The following GCDH variants were observed in gnomAD, a reference collection of about 807,000 sequenced individuals.
The protein encoded by GCDH is glutaryl-CoA dehydrogenase.
GCDH carries 31 observed loss-of-function variants against 52.8 expected under a neutral mutation model. The observed-to-expected ratio is 0.59, with a 90% CI of 0.44 to 0.79. The LOEUF is 0.79. GCDH is among the 30% of genes least tolerant of loss of function. GCDH has a pLI of 0.00. For missense variants in GCDH, 509 were observed against 595.0 expected (o/e 0.86, Z 1.50); for synonymous variants, 242 against 250.0 (o/e 0.97, Z 0.30).
At chr19:12,894,925 A>AG in intron 6 of GCDH, 1 of 430,414 alleles carries the variant, frequency 2.3e-6, no homozygotes. Flanking sequence ...AAAAAAAAAA[A>AG]AAACCCACAA....
At position 12,896,175 on chromosome 19, in the gene GCDH, C is replaced by T; in HGVS notation, c.636-30C>T. ...TGAACAGGGGCAAAGGGGCACTGGT[C>T]AGACCCCTCACCGACTGTTCCATCC... On this transcript the variant is annotated intron_variant, in intron 7 of 11. Coordinates refer to ENST00000222214, the MANE Select transcript of GCDH (RefSeq NM_000159.4). This position sits in a 1 kb window ranked among gnomAD's most constrained non-coding sequence, Gnocchi z 5.5. The T allele has an allele frequency of 6.2e-7, 1 of 1,613,930 alleles. No homozygotes were observed. Among genetic ancestry groups the T allele is most frequent in the Non-Finnish European group, 8.5e-7 (1 of 1,179,826 alleles).
Position 12,891,931 on chromosome 19 carries a change from GGAGA to G in GCDH, c.231_234del (p.Glu77AspfsTer64). ...GGGACACCTTCCGCACCTACTGCCA[GGAGA>G]GACTCATGCCTCGCATCCTGTTGGC... On this transcript the variant is annotated frameshift_variant, in exon 4 of 12. Transcript: ENST00000222214. LOFTEE classifies it high-confidence loss of function. 6.2e-7 allele frequency: 1 copy of G among 1,614,220 alleles called. No homozygotes were observed. The highest frequency in any genetic ancestry group is 8.5e-7 in the Non-Finnish European group (1 of 1,180,032).
intron 11 of GCDH, chr19:12,899,103 C>T: frequency 3.5e-6 from 2 of 572,210 alleles, no homozygotes; most frequent in Non-Finnish European, 6.2e-6. Flanking sequence ...ATTTAATAAA[C>T]TGTGGGGCTG....
rs941889262 is a variant in GCDH at position 12,896,616 on chromosome 19, G to A, written c.852+195G>A. ...CGTCTCGCTCATCCCGGCTCTGCCC[G>A]GGACACATGGGCCTGAACCAGCTCA... On this transcript the variant is annotated intron_variant, in intron 8 of 11. Transcript: ENST00000222214. The surrounding 1 kb of genome is among the most constrained non-coding windows in gnomAD (Gnocchi z 5.5). Among the ~76,000 whole-genome samples the A allele has an allele frequency of 1.3e-5, 2 of 152,160 alleles. No individual in the cohort carries two copies. The highest frequency in any genetic ancestry group is 2.4e-5 in the African/African-American group (1 of 41,434).
intron 5 of GCDH, among the ~76,000 whole-genome samples, chr19:12,893,176 C>T (rs565363259): frequency 2.6e-5 from 4 of 152,250 alleles, no homozygotes; most frequent in South Asian, 4.2e-4. Context: ...CGTGAGCCAC[C>T]GTGCCTGGCC....
chr19:12,897,115 G>A, intron 9 of GCDH, 102 bp downstream of exon 9: 1 of 1,203,838 alleles, frequency 8.3e-7, no homozygotes, highest in Admixed American at 1.9e-5. Context: ...CCAGGCCTGA[G>A]TTCCTTGCTC....
chr19:12,894,960 T>A, intron 6 of GCDH: 1 of 333,588 alleles, frequency 3.0e-6, no homozygotes, highest in South Asian at 4.9e-5. Flanking sequence ...AGGCCTCTGC[T>A]GACCTTTCCA....
intron 11 of GCDH, chr19:12,899,088 C>G (rs1970768218): frequency 1.8e-6 from 1 of 544,776 alleles, no homozygotes; most frequent in Non-Finnish European, 3.3e-6. Flanking sequence ...GGTTGAAAAT[C>G]AAACATTTAA....
chr19:12,898,117 C>G (rs559302862), intron 11 of GCDH: 1 of 523,514 alleles, frequency 1.9e-6, no homozygotes, highest in African/African-American at 1.9e-5. Flanking sequence ...CCCACATGCT[C>G]GGGAGGAGGG....
chr19:12,894,305 A>T, intron 6 of GCDH: 1 of 814,206 alleles, frequency 1.2e-6, no homozygotes, highest in Non-Finnish European at 2.2e-6. Flanking sequence ...GGGAACAATA[A>T]ACAAGGTTTC....
At chr19:12,898,152 G>A (rs751659270) in intron 11 of GCDH, 9 of 462,050 alleles carry the variant, frequency 1.9e-5, no homozygotes, top group African/African-American at 5.9e-5. Context: ...GGTAAGCTCC[G>A]AAGGCAGCCC....
Position 12,891,191 on chromosome 19 carries a change from A to C in GCDH, c.-46A>C. ...ACTGTAGCCTCGGCAGTGAACCGGG[A>C]GGTACTACCAGGTAAGGAAGGTGCG... is the stretch of plus-strand genomic sequence containing the variant. On this transcript the variant is annotated 5_prime_UTR_variant, in exon 1 of 12. Coordinates refer to ENST00000222214, the MANE Select transcript of GCDH (RefSeq NM_000159.4). The C allele has an allele frequency of 1.3e-6, 1 of 769,636 alleles. No individual in the cohort carries two copies. Among genetic ancestry groups the C allele is most frequent in the Non-Finnish European group, 2.2e-6 (1 of 447,784 alleles). 47.7% of individuals were successfully genotyped at this position (769,636 alleles called of 1,614,324 possible). A position where few individuals can be genotyped will look rare whatever the true frequency, so the allele number is the denominator to read the frequency against.
rs762052524 is a variant in GCDH, at chr19:12,893,567, C to T, written c.419C>T (p.Ala140Val). ...CGGGTGGACAGTGGCTACAGGTCGG[C>T]GATGAGTGTCCAGTCCTCCCTCGTC... ...LERVDSGYRS[A>V]MSVQSSLVMH... Residue 140 changes from alanine (A) to valine (V), a missense_variant, in exon 6 of 12, where the codon GCG becomes GTG. Coordinates refer to ENST00000222214, the MANE Select transcript of GCDH (RefSeq NM_000159.4). 1.6e-5 allele frequency: 26 copies of T among 1,613,606 alleles called. No individual in the cohort carries two copies. Among genetic ancestry groups the T allele is most frequent in the Admixed American group, 3.3e-5 (2 of 59,972 alleles).
intron 6 of GCDH, among the ~76,000 whole-genome samples, chr19:12,895,721 C>T (rs2145949303): frequency 6.6e-6 from 1 of 151,674 alleles, no homozygotes; most frequent in Middle Eastern, 3.4e-3. Flanking sequence ...AAGCGATTCT[C>T]CTGCCTCAGT....
chr19:12,899,444 C>G, intron 11 of GCDH, 24 bp from the exon 12 acceptor site: 2 of 1,613,982 alleles, frequency 1.2e-6, no homozygotes, highest in Non-Finnish European at 1.7e-6. Context: ...AACTCCAAAC[C>G]GACTCTGTAT....
chr19:12,892,438 T>C (rs1399727341), intron 5 of GCDH: 7 of 564,018 alleles, frequency 1.2e-5, no homozygotes, highest in Admixed American at 1.2e-4. Flanking sequence ...ATTACAGGTA[T>C]GTGCCACCAT....
At chr19:12,897,564 G>A in intron 10 of GCDH, 136 bp downstream of exon 10, 1 of 1,432,364 alleles carries the variant, frequency 7.0e-7, no homozygotes, top group Non-Finnish European at 9.8e-7. Flanking sequence ...GTCCTTGATG[G>A]GCTGGGCTGA....
intron 5 of GCDH, 53 bp from the exon 6 acceptor site, chr19:12,893,430 C>T: frequency 1.3e-6 from 2 of 1,498,940 alleles, no homozygotes; most frequent in African/African-American, 1.4e-5. Flanking sequence ...TGGGTCTTAG[C>T]TGGGCAGGGC....
intron 11 of GCDH, 119 bp downstream of exon 11, chr19:12,897,982 C>T (rs1337987522): frequency 1.2e-6 from 1 of 857,868 alleles, no homozygotes; most frequent in Non-Finnish European, 1.9e-6. Context: ...ACAGTGTGAC[C>T]TGGGGCGAGC....
Sources: allele counts gnomAD v4.1 joint callset (sites outside exome capture counted in the v4.1 genomes callset), GRCh38; gene constraint gnomAD v4.1.1; non-coding constraint Gnocchi (gnomAD v3.1); transcripts MANE v1.5; gene names NCBI Gene and HGNC (gene_info 2026-07-23, HGNC 2026-07-21).